The following SLF2 variants were observed in gnomAD, a reference collection of about 807,000 sequenced individuals.
The protein encoded by SLF2 is SMC5/6 complex localization factor 2.
In SLF2, 68 loss-of-function variants were observed where a neutral mutation model predicts 124.3. The ratio of observed to expected loss-of-function variants is 0.55; its 90% CI spans 0.45 to 0.67. The LOEUF (loss-of-function observed/expected upper bound fraction) is 0.67. Among genes scored for constraint, SLF2 ranks in the 30% least tolerant of loss-of-function variants. SLF2 has a pLI of 0.00. For synonymous variants in SLF2, 480 were observed against 478.8 expected (o/e 1.00, Z -0.03); for missense variants, 1,246 against 1,373.7 (o/e 0.91, Z 1.47).
Position 100,916,945 on chromosome 10 carries a change from A to C in SLF2, c.560A>C (p.Asp187Ala). The C allele has an allele frequency of 1.2e-6, 2 of 1,614,236 alleles. No individual in the cohort carries two copies. The highest frequency in any genetic ancestry group is 1.7e-6 in the Non-Finnish European group (2 of 1,180,048). The part of the protein sequence containing the change: ...LFIHENNEKN[D>A]RDRGKTNADS... Reference sequence around the variant, plus strand: ...ATTCATGAAAATAATGAGAAGAATGATAGAGATCGAGGCAAAACCAATGCA... The same window carrying C: ...ATTCATGAAAATAATGAGAAGAATGCTAGAGATCGAGGCAAAACCAATGCA... Residue 187 changes from aspartate (D) to alanine (A), a missense_variant, in exon 3 of 20, where the codon GAT (aspartate) becomes GCT (alanine). Physicochemically the swap from Asp to Ala is moderately radical, Grantham distance 126 (BLOSUM62 -2). Transcript: ENST00000238961.
chr10:100,961,970 G>A lies in SLF2; in HGVS notation c.*58G>A. 1 of 1,491,398 alleles carries A rather than the reference G, an allele frequency of 6.7e-7. No individual in the cohort carries two copies. The allele number at this position is 1,491,398 out of a possible 1,614,324, so 92.4% of individuals were successfully genotyped here. A position where few individuals can be genotyped will look rare whatever the true frequency, so the allele number is the denominator to read the frequency against. ...AGAAATTCAATAAGAGCCTTTCATA[G>A]AGGAGTAGAAAGGATTATTACAGAA... On this transcript the variant is annotated 3_prime_UTR_variant, in exon 20 of 20. Coordinates refer to ENST00000238961, the MANE Select transcript of SLF2 (RefSeq NM_018121.4).
chr10:100,955,201 A>C (rs530480474), intron 17 of SLF2, among the ~76,000 whole-genome samples: 2 of 151,852 alleles, frequency 1.3e-5, no homozygotes, highest in Non-Finnish European at 2.9e-5. Flanking sequence ...CGGCCTCCCA[A>C]AGTGTTGGAA....
chr10:100,952,336 G>T (rs1850232703), intron 17 of SLF2, among the ~76,000 whole-genome samples: 1 of 151,668 alleles, frequency 6.6e-6, no homozygotes, highest in South Asian at 2.1e-4. Context: ...GAGGTCAGAA[G>T]TTCGAGACCA....
chr10:100,945,851 T>C (rs1411337832), intron 13 of SLF2, among the ~76,000 whole-genome samples: 3 of 152,236 alleles, frequency 2.0e-5, no homozygotes, highest in Admixed American at 1.3e-4. Flanking sequence ...ATGTTGATTA[T>C]ATTATCATGT....
chr10:100,913,805 A>G (rs1253406310), intron 1 of SLF2: 2 of 985,588 alleles, frequency 2.0e-6, no homozygotes, highest in African/African-American at 1.7e-5. Context: ...TTTTTTGTAA[A>G]GATTTTGTGG....
chr10:100,960,996 T>TA (rs1850417021), intron 19 of SLF2, among the ~76,000 whole-genome samples: 1 of 116,644 alleles, frequency 8.6e-6, no homozygotes, highest in African/African-American at 3.3e-5. Context: ...TATTCTGTAC[T>TA]TCTTTTTTTT....
chr10:100,934,762 A>G lies in SLF2; in HGVS notation c.2437-2640A>G, dbSNP rs375718300. 1.6e-4 allele frequency among the ~76,000 whole-genome samples: 24 copies of G among 149,122 alleles called. No homozygotes were observed. The East Asian group carries it at 4.1e-3, about 26-fold the overall frequency. ...TAAGTAGCTGGGATTACAGGCACCC[A>G]CCACCACGCCCAGCTAATTTTTTTT... On this transcript the variant is annotated intron_variant, in intron 9 of 19. Transcript: ENST00000238961.
At chr10:100,923,872 C>A in intron 4 of SLF2, 103 bp from the exon 5 acceptor site, 1 of 921,776 alleles carries the variant, frequency 1.1e-6, no homozygotes, top group Non-Finnish European at 1.5e-6. Flanking sequence ...AGCCTTAATA[C>A]TTAGAATTTT....
chr10:100,952,838 C>G (rs1388893623), intron 17 of SLF2, among the ~76,000 whole-genome samples: 1 of 151,408 alleles, frequency 6.6e-6, no homozygotes, highest in Non-Finnish European at 1.5e-5. Flanking sequence ...ACTGGGGAGC[C>G]TGAGGCAGGA....
Position 100,917,077 on chromosome 10 carries a change from C to T in SLF2, c.692C>T (p.Pro231Leu), listed in dbSNP as rs777612233. The T allele has an allele frequency of 6.2e-7, 1 of 1,614,160 alleles. No individual in the cohort carries two copies. Among genetic ancestry groups the T allele is most frequent in the South Asian group, 1.1e-5 (1 of 91,076 alleles). ...TCCAGGCACCACCCGGAAGAAAGCC[C>T]ACTGGGAGCTAAATTCCAGTTGTCA... ...SLSRHHPEESPLGAKFQLSLA... is the reference protein window; with the variant it reads ...SLSRHHPEESLLGAKFQLSLA... Residue 231 changes from proline (P) to leucine (L), a missense_variant, in exon 3 of 20, where the codon CCA becomes CTA. By Grantham distance (98) the Pro-to-Leu change is moderately conservative. Around this residue, in one of 3 missense-constraint regions of SLF2, gnomAD observed 698 missense variants for 708.9 expected, o/e 0.98. Transcript: ENST00000238961.
chr10:100,929,860 T>C lies in SLF2; in HGVS notation c.2196T>C (p.Ile732=), dbSNP rs774454461. ...TTCTAAAGAAATTTTCAGTTACAAT[T>C]GATGCTATTCCTGATCATCATCCAG... ...KEFLKKFSVT[I]DAIPDHHPGE... is the part of the protein sequence containing the mutation. The change falls in exon 8 of 20, where the codon ATT becomes ATC. Residue 732 remains isoleucine, a synonymous_variant. Coordinates refer to ENST00000238961, the MANE Select transcript of SLF2 (RefSeq NM_018121.4). The C allele has an allele frequency of 1.0e-5, 16 of 1,579,562 alleles. No individual in the cohort carries two copies. Among genetic ancestry groups the C allele is most frequent in the Non-Finnish European group, 1.4e-5 (16 of 1,170,668 alleles).
rs1224735342 is a variant in SLF2 at position 100,917,268 on chromosome 10, A to G, written c.883A>G (p.Ile295Val). 1.2e-6 allele frequency: 2 copies of G among 1,611,472 alleles called. No individual in the cohort carries two copies. The highest frequency in any genetic ancestry group is 1.3e-5 in the African/African-American group (1 of 74,646). ...GCAGGAACAAAGGAAACAGAATGAC[A>G]TCATACCTGGAAAAAATAATCTGTC... Reference protein sequence around the residue: ...PRQEQRKQNDIIPGKNNLSNV... With the variant: ...PRQEQRKQNDVIPGKNNLSNV... The change falls in exon 3 of 20, where the codon ATC (isoleucine) becomes GTC (valine). Residue 295 changes from isoleucine (I) to valine (V), a missense_variant. Ile to Val is a conservative substitution (Grantham distance 29, BLOSUM62 3). This residue lies in a region of SLF2 where 698 missense variants were observed against 708.9 expected (regional missense o/e 0.98). Transcript: ENST00000238961.
At chr10:100,946,483 C>T (rs1204120154) in intron 13 of SLF2, among the ~76,000 whole-genome samples, 4 of 152,002 alleles carry the variant, frequency 2.6e-5, no homozygotes, top group East Asian at 3.9e-4. Context: ...CATGCCACTC[C>T]GCCCAGCTAA....
intron 4 of SLF2, among the ~76,000 whole-genome samples, chr10:100,920,452 T>C (rs973513072): frequency 2.0e-5 from 3 of 152,228 alleles, no homozygotes; most frequent in South Asian, 4.1e-4. Flanking sequence ...GGCTGACTTA[T>C]GATGGTTGCC....
At chr10:100,914,440 A>AT (rs1418485997) in intron 1 of SLF2, among the ~76,000 whole-genome samples, 3 of 152,040 alleles carry the variant, frequency 2.0e-5, no homozygotes, top group Non-Finnish European at 4.4e-5. Flanking sequence ...ACCCAAAATC[A>AT]TTTTTTCTCT....
intron 15 of SLF2, among the ~76,000 whole-genome samples, chr10:100,948,649 G>A (rs763176948): frequency 2.0e-5 from 3 of 152,060 alleles, no homozygotes; most frequent in Non-Finnish European, 2.9e-5. Context: ...TTAGGAGGCC[G>A]GGGCAGGTGG....
At chr10:100,955,096 C>T (rs199683369) in intron 17 of SLF2, among the ~76,000 whole-genome samples, 2 of 151,978 alleles carry the variant, frequency 1.3e-5, no homozygotes, top group Admixed American at 6.6e-5. Flanking sequence ...CCCGCCACCA[C>T]GCCCGGCTAA....
At chr10:100,920,958 A>T (rs1323273897) in intron 4 of SLF2, among the ~76,000 whole-genome samples, 1 of 152,196 alleles carries the variant, frequency 6.6e-6, no homozygotes, top group African/African-American at 2.4e-5. Flanking sequence ...CGAAAAAAAT[A>T]AATAAATAAA....
In SLF2 at chr10:100,918,406, A is replaced by C; in HGVS notation, c.938A>C (p.Lys313Thr). Residue 313 changes from lysine to threonine, a missense_variant, in exon 4 of 20, where the codon AAA (lysine) becomes ACA (threonine). Lys to Thr is a moderately conservative substitution (Grantham distance 78). This residue lies in a region of SLF2 where 698 missense variants were observed against 708.9 expected (regional missense o/e 0.98). Transcript: ENST00000238961. The part of the protein sequence containing the change: ...SNVENGHLSR[K>T]RSSSDSWEPT... The stretch of plus-strand genomic sequence containing the variant: ...TAGGAAAATGGACATCTCTCAAGAA[A>C]AAGATCCTCTTCTGATTCATGGGAA... 6.3e-7 allele frequency: 1 copy of C among 1,597,934 alleles called. No homozygotes were observed. The highest frequency in any genetic ancestry group is 8.5e-7 in the Non-Finnish European group (1 of 1,172,784).
Sources: allele counts gnomAD v4.1 joint callset (sites outside exome capture counted in the v4.1 genomes callset), GRCh38; gene constraint gnomAD v4.1.1; regional missense constraint gnomAD v4.1.1; transcripts MANE v1.5; gene names NCBI Gene and HGNC (gene_info 2026-07-23, HGNC 2026-07-21).